ANKS1B: variants seen among roughly 807,000 people sequenced by gnomAD.
The protein encoded by ANKS1B is ankyrin repeat and sterile alpha motif domain containing 1B, also known as ankyrin repeat and sterile alpha motif domain-containing protein 1B.
A neutral mutation model predicts 148.3 loss-of-function variants in ANKS1B; 36 were observed. The observed-to-expected ratio is 0.24, with a 90% CI of 0.19 to 0.32. ANKS1B has a LOEUF of 0.32. Ranked by LOEUF, ANKS1B falls within the 10% of genes least tolerant of loss-of-function variation. The pLI is 1.00. For missense variants in ANKS1B, 1,157 were observed against 1,542.6 expected, an observed-to-expected ratio of 0.75 and a Z score of 4.19; for synonymous variants, 542 against 560.8, an observed-to-expected ratio of 0.97 and a Z score of 0.47.
chr12:99,367,578 C>T (rs1185762098), intron 12 of ANKS1B, among the ~76,000 whole-genome samples: 1 of 152,102 alleles, frequency 6.6e-6, no homozygotes, highest in African/African-American at 2.4e-5. Flanking sequence ...AACATATGTA[C>T]AAGGTTACTT....
intron 8 of ANKS1B, among the ~76,000 whole-genome samples, chr12:99,729,700 C>T (rs2058952038): frequency 6.6e-6 from 1 of 152,112 alleles, no homozygotes; most frequent in South Asian, 2.1e-4. Flanking sequence ...TCTTTTCACG[C>T]CTTGTAAATT....
intron 10 of ANKS1B, among the ~76,000 whole-genome samples, chr12:99,463,784 T>C (rs367675184): frequency 2.0e-5 from 3 of 152,102 alleles, no homozygotes; most frequent in Admixed American, 6.5e-5. Flanking sequence ...ACAAAGCAGC[T>C]GGGAAGCTCG....
chr12:98,776,318 G>C (rs1052420147), intron 24 of ANKS1B, among the ~76,000 whole-genome samples: 3 of 152,218 alleles, frequency 2.0e-5, no homozygotes, highest in Non-Finnish European at 4.4e-5. Context: ...ATGTCATGAA[G>C]AGGTACAGGT....
intron 24 of ANKS1B, among the ~76,000 whole-genome samples, chr12:98,779,319 G>A (rs560379394): frequency 6.6e-6 from 1 of 152,234 alleles, no homozygotes; most frequent in Non-Finnish European, 1.5e-5. Context: ...ACATACAATG[G>A]AACCGGCAGA....
chr12:99,313,024 A>C (rs1488605138), intron 12 of ANKS1B, among the ~76,000 whole-genome samples: 1 of 152,208 alleles, frequency 6.6e-6, no homozygotes, highest in African/African-American at 2.4e-5. Flanking sequence ...ATAGACTGCT[A>C]ACTAGACTAA....
intron 1 of ANKS1B, among the ~76,000 whole-genome samples, chr12:99,909,090 A>T (rs1219752722): frequency 6.6e-6 from 1 of 151,464 alleles, no homozygotes. Flanking sequence ...GATTCTGCAC[A>T]TAAGTGAGAT....
chr12:99,713,671 T>C (rs1266240006), intron 8 of ANKS1B, among the ~76,000 whole-genome samples: 1 of 152,202 alleles, frequency 6.6e-6, no homozygotes, highest in East Asian at 1.9e-4. Flanking sequence ...CCTATTTCTA[T>C]AGTTTATTTA....
At chr12:99,091,261 C>T (rs2053890843) in intron 15 of ANKS1B, among the ~76,000 whole-genome samples, 1 of 152,034 alleles carries the variant, frequency 6.6e-6, no homozygotes, top group South Asian at 2.1e-4. Flanking sequence ...TTTTCTGTCA[C>T]CGATTTTTTC....
chr12:99,197,318 T>C (rs1046665038), intron 14 of ANKS1B, among the ~76,000 whole-genome samples: 6 of 152,212 alleles, frequency 3.9e-5, no homozygotes, highest in Non-Finnish European at 7.3e-5. Context: ...TAGAATTTCT[T>C]GGATTGGCCT....
At chr12:99,694,785 G>A (rs1404287926) in intron 8 of ANKS1B, among the ~76,000 whole-genome samples, 1 of 152,132 alleles carries the variant, frequency 6.6e-6, no homozygotes, top group Non-Finnish European at 1.5e-5. Context: ...GATCTTACAT[G>A]TTATTTTGCT....
intron 9 of ANKS1B, among the ~76,000 whole-genome samples, chr12:99,521,572 A>T (rs1314997982): frequency 6.6e-6 from 1 of 152,132 alleles, no homozygotes; most frequent in Non-Finnish European, 1.5e-5. Context: ...CTAGGTTCTA[A>T]GCCCCCTAAT....
intron 17 of ANKS1B, among the ~76,000 whole-genome samples, chr12:99,042,849 C>T (rs1031104607): frequency 6.6e-6 from 1 of 152,214 alleles, no homozygotes; most frequent in African/African-American, 2.4e-5. Flanking sequence ...AGAGATTCTA[C>T]AACCAGTCTT....
chr12:99,625,066 T>TA (rs918582796), intron 9 of ANKS1B, among the ~76,000 whole-genome samples: 40 of 151,888 alleles, frequency 2.6e-4, no homozygotes, highest in African/African-American at 8.9e-4. Context: ...TATGCAGCCA[T>TA]AAAAAAAAGA....
At position 99,770,109 on chromosome 12, in the gene ANKS1B, T is replaced by C. The variant is rs550451673; in HGVS notation, c.1128+2813A>G. Among the ~76,000 whole-genome samples the C allele has an allele frequency of 5.3e-5, 8 of 152,342 alleles. No homozygotes were observed. In the South Asian group the frequency reaches 8.3e-4, roughly 16 times the overall value. ...AGAATTAAAAACACTGGCTCAGAGT[T>C]TGAATCCTCACTCTGCCACTTGGCA... On this transcript the variant is annotated intron_variant, in intron 8 of 26. Transcript: ENST00000683438.
intron 22 of ANKS1B, among the ~76,000 whole-genome samples, chr12:98,797,995 G>A (rs2098965392): frequency 6.6e-6 from 1 of 152,180 alleles, no homozygotes; most frequent in Non-Finnish European, 1.5e-5. Flanking sequence ...CACCTGTTAT[G>A]GAGGAAGCAA....
intron 14 of ANKS1B, among the ~76,000 whole-genome samples, chr12:99,157,408 A>C (rs920756213): frequency 5.9e-5 from 9 of 152,214 alleles, no homozygotes; most frequent in African/African-American, 2.2e-4. Flanking sequence ...CCAGCTCTTC[A>C]AACCTGTTTC....
At chr12:98,844,011 T>A (rs1482519468) in intron 17 of ANKS1B, among the ~76,000 whole-genome samples, 1 of 152,180 alleles carries the variant, frequency 6.6e-6, no homozygotes, top group Non-Finnish European at 1.5e-5. Context: ...TCCCATCATG[T>A]ATTAACAGAA....
At chr12:99,399,202 G>A (rs2094335465) in intron 12 of ANKS1B, among the ~76,000 whole-genome samples, 1 of 152,044 alleles carries the variant, frequency 6.6e-6, no homozygotes, top group Non-Finnish European at 1.5e-5. Flanking sequence ...TCCTCTGCAA[G>A]TTCACCATGG....
chr12:98,907,174 G>T (rs2099780441), intron 17 of ANKS1B, among the ~76,000 whole-genome samples: 1 of 152,162 alleles, frequency 6.6e-6, no homozygotes, highest in Non-Finnish European at 1.5e-5. Context: ...CTGCAAGTTT[G>T]TACCCTTTGT....
Sources: gnomAD v4.1 joint callset for allele counts (sites outside exome capture counted in the v4.1 genomes callset) on GRCh38, gnomAD v4.1.1 for gene constraint, MANE v1.5 for transcripts, NCBI Gene and HGNC (gene_info 2026-07-23, HGNC 2026-07-21) for gene names.